SGCD: variants seen among roughly 807,000 people sequenced by gnomAD.
The protein encoded by SGCD is delta-sarcoglycan.
In SGCD, 18 loss-of-function variants were observed where a neutral mutation model predicts 36.6. The observed-to-expected ratio is 0.49, with a 90% CI of 0.34 to 0.73. The LOEUF is 0.73. SGCD is among the 30% of genes least tolerant of loss of function. The probability of loss-of-function intolerance (pLI) is 0.01; values close to 1 mark genes in which losing one functional copy is unlikely to be tolerated. For missense variants in SGCD, 387 were observed against 346.7 expected (o/e 1.12, Z -0.92); for synonymous variants, 133 against 130.6 (o/e 1.02, Z -0.12).
chr5:156,454,267 T>C (rs1370539912), intron 3 of SGCD, among the ~76,000 whole-genome samples: 4 of 152,122 alleles, frequency 2.6e-5, no homozygotes, highest in Non-Finnish European at 5.9e-5. Flanking sequence ...TATAAAACCT[T>C]GTTATATCAG....
chr5:155,863,003 A>G, the SGCD span, among the ~76,000 whole-genome samples: 20,802 of 152,302 alleles, frequency 0.14, 1,903 homozygotes, highest in Non-Finnish European at 0.2. Flanking sequence ...AAATGTTATC[A>G]GAGAAGCAGT....
chr5:155,877,216 C>T (rs1489162910), intron 1 of SGCD, among the ~76,000 whole-genome samples: 1 of 151,974 alleles, frequency 6.6e-6, no homozygotes, highest in Non-Finnish European at 1.5e-5. Context: ...GAAATGTTTC[C>T]AAATCATACC....
intron 4 of SGCD, among the ~76,000 whole-genome samples, chr5:156,585,421 A>C (rs894112409): frequency 5.9e-5 from 9 of 152,196 alleles, no homozygotes; most frequent in Non-Finnish European, 1.2e-4. Flanking sequence ...CTTACAAACT[A>C]TCCTTTGAAA....
intron 7 of SGCD, among the ~76,000 whole-genome samples, chr5:156,712,487 A>G (rs1396467303): frequency 3.3e-5 from 5 of 152,260 alleles, no homozygotes; most frequent in East Asian, 1.9e-4. Flanking sequence ...AACTATACCA[A>G]TCGACTTCTG....
chr5:156,566,999 G>T (rs1320461306), intron 4 of SGCD, among the ~76,000 whole-genome samples: 1 of 152,124 alleles, frequency 6.6e-6, no homozygotes, highest in Admixed American at 6.5e-5. Flanking sequence ...CTGTTAGAAA[G>T]TCCTCTTCTC....
At chr5:155,864,764 G>T in the SGCD span, among the ~76,000 whole-genome samples, 1 of 152,132 alleles carries the variant, frequency 6.6e-6, no homozygotes, top group Admixed American at 6.5e-5. Flanking sequence ...GCATGTGTGC[G>T]TACACATTCT....
intron 6 of SGCD, among the ~76,000 whole-genome samples, chr5:156,645,685 C>T (rs1763200004): frequency 6.6e-6 from 1 of 152,070 alleles, no homozygotes; most frequent in South Asian, 2.1e-4. Context: ...TCACCCCTCC[C>T]ACTTCCACCT....
At chr5:155,933,613 T>TAAG (rs1446799257) in intron 1 of SGCD, among the ~76,000 whole-genome samples, 1 of 152,228 alleles carries the variant, frequency 6.6e-6, no homozygotes, top group Non-Finnish European at 1.5e-5. Flanking sequence ...GGTTTTGGCT[T>TAAG]AAGATGGAAC....
At chr5:156,360,958 A>G (rs1200092534) in intron 3 of SGCD, among the ~76,000 whole-genome samples, 1 of 152,102 alleles carries the variant, frequency 6.6e-6, no homozygotes, top group Non-Finnish European at 1.5e-5. Context: ...ACAGAGGGCA[A>G]CTGCCCCACA....
chr5:156,452,803 G>A (rs1332987241), intron 3 of SGCD, among the ~76,000 whole-genome samples: 2 of 152,142 alleles, frequency 1.3e-5, no homozygotes, highest in African/African-American at 4.8e-5. Flanking sequence ...TCAATAAAAT[G>A]AAAGGTAATG....
chr5:156,144,455 T>C (rs1762663556), intron 3 of SGCD, among the ~76,000 whole-genome samples: 1 of 152,184 alleles, frequency 6.6e-6, no homozygotes, highest in South Asian at 2.1e-4. Flanking sequence ...TGGTATCTCA[T>C]TGTGGTTTTG....
intron 7 of SGCD, among the ~76,000 whole-genome samples, chr5:156,737,001 C>T (rs999718041): frequency 1.3e-5 from 2 of 152,056 alleles, no homozygotes; most frequent in Admixed American, 1.3e-4. Context: ...TATAAAATTG[C>T]AAAGTAGGTA....
the SGCD span, among the ~76,000 whole-genome samples, chr5:155,861,766 T>C: frequency 1.8e-4 from 27 of 152,144 alleles, no homozygotes; most frequent in African/African-American, 6.5e-4. Flanking sequence ...CCATCCTCTC[T>C]ATCTGTGTCT....
At chr5:156,241,285 T>TGTGTGTGC (rs1561580287) in intron 3 of SGCD, among the ~76,000 whole-genome samples, 6 of 151,550 alleles carry the variant, frequency 4.0e-5, no homozygotes, top group African/African-American at 1.2e-4. Flanking sequence ...TGTGTGTGTG[T>TGTGTGTGC]GTGCATGTAT....
intron 3 of SGCD, chr5:156,124,085 T>C (rs909835292): frequency 6.6e-6 from 1 of 152,354 alleles, no homozygotes; most frequent in East Asian, 1.9e-4. Flanking sequence ...TTATCCATAT[T>C]TGCAGCCTTT....
chr5:156,247,404 A>G (rs989163273), intron 3 of SGCD, among the ~76,000 whole-genome samples: 4 of 152,192 alleles, frequency 2.6e-5, no homozygotes, highest in African/African-American at 7.2e-5. Flanking sequence ...TCATTCAATG[A>G]TTTATAATAG....
intron 1 of SGCD, among the ~76,000 whole-genome samples, chr5:156,042,953 C>G (rs1216025899): frequency 2.6e-5 from 4 of 152,132 alleles, no homozygotes; most frequent in Admixed American, 2.6e-4. Flanking sequence ...CTTTCATTAG[C>G]TTTACAAAGG....
At chr5:155,970,371 A>AT (rs1395338306) in intron 1 of SGCD, among the ~76,000 whole-genome samples, 1 of 152,140 alleles carries the variant, frequency 6.6e-6, no homozygotes, top group African/African-American at 2.4e-5. Flanking sequence ...TATACTAAGC[A>AT]TTTTACATAT....
At chr5:156,206,187 A>T (rs1289416216) in intron 3 of SGCD, among the ~76,000 whole-genome samples, 4 of 151,746 alleles carry the variant, frequency 2.6e-5, no homozygotes, top group Non-Finnish European at 5.9e-5. Flanking sequence ...AGTTTTTCAT[A>T]AAAATGTGTG....
Sources: allele counts gnomAD v4.1 joint callset (sites outside exome capture counted in the v4.1 genomes callset), GRCh38; gene constraint gnomAD v4.1.1; transcripts MANE v1.5; gene names NCBI Gene and HGNC (gene_info 2026-07-23, HGNC 2026-07-21).